The following EPGN variants were observed in gnomAD, a reference collection of about 807,000 sequenced individuals.
EPGN encodes the protein epigen.
Under a neutral mutation model 20.7 loss-of-function variants are expected in EPGN, and 21 were observed. The observed-to-expected ratio is 1.01, with a 90% CI of 0.72 to 1.46. EPGN has a LOEUF of 1.46. EPGN is among the 40% of genes most tolerant of loss of function. The pLI, the probability that EPGN is intolerant of heterozygous loss-of-function variation, is 0.00. For missense variants in EPGN, 199 were observed against 180.7 expected (o/e 1.10, Z -0.58); for synonymous variants, 69 against 63.8 (o/e 1.08, Z -0.39).
intron 4 of EPGN, 133 bp downstream of exon 4, chr4:74,313,303 G>T: frequency 7.1e-7 from 1 of 1,410,190 alleles, no homozygotes; most frequent in Non-Finnish European, 9.1e-7. Context: ...CTGGCAAAAA[G>T]TTTCTATGTA....
At chr4:74,312,340 G>A in intron 3 of EPGN, 35 bp downstream of exon 3, 1 of 1,591,968 alleles carries the variant, frequency 6.3e-7, no homozygotes, top group South Asian at 1.2e-5. Flanking sequence ...CCTAGAGACA[G>A]GAGATGAGTT....
chr4:74,312,953 A>T, intron 3 of EPGN, 65 bp from the exon 4 acceptor site: 1 of 1,277,242 alleles, frequency 7.8e-7, no homozygotes, highest in Non-Finnish European at 1.1e-6. Context: ...AAATTTATTG[A>T]AACAGGTTAT....
At chr4:74,313,744 G>A (rs1031417747) in intron 4 of EPGN, among the ~76,000 whole-genome samples, 1 of 152,056 alleles carries the variant, frequency 6.6e-6, no homozygotes, top group Non-Finnish European at 1.5e-5. Flanking sequence ...TTTTCCACAT[G>A]AGTAATTTTT....
Position 74,312,374 on chromosome 4 carries a change from T to C in EPGN, c.254+69T>C. The C allele has an allele frequency of 3.3e-6, 5 of 1,511,070 alleles. No homozygotes were observed. In the Admixed American group the frequency reaches 6.6e-5, roughly 20 times the overall value. The allele number at this position is 1,511,070 out of a possible 1,614,324, so 93.6% of individuals were successfully genotyped here. A position where few individuals can be genotyped will look rare whatever the true frequency, so the allele number is the denominator to read the frequency against. On this transcript the variant is annotated intron_variant, in intron 3 of 4. Coordinates refer to ENST00000413830, the MANE Select transcript of EPGN (RefSeq NM_001270989.2). ...TTTATGTCTCTGTTGTTTCATATAG[T>C]ACATTTCCACACTTTTCTCTCTTTA...
intron 1 of EPGN, among the ~76,000 whole-genome samples, 168 bp downstream of exon 1, chr4:74,308,744 T>C (rs953494445): frequency 1.3e-5 from 2 of 152,244 alleles, no homozygotes; most frequent in Non-Finnish European, 2.9e-5. Context: ...TGTATGTTCC[T>C]TTCCTAATAT....
At chr4:74,310,819 C>G (rs990794939) in intron 2 of EPGN, among the ~76,000 whole-genome samples, 1 of 152,070 alleles carries the variant, frequency 6.6e-6, no homozygotes, top group African/African-American at 2.4e-5. Flanking sequence ...TTAGTTATGC[C>G]TAAAACATTG....
chr4:74,309,283 T>A, intron 2 of EPGN, 101 bp downstream of exon 2: 1 of 783,264 alleles, frequency 1.3e-6, no homozygotes, highest in Non-Finnish European at 2.0e-6. Flanking sequence ...TAATATATAT[T>A]TTATTATTAG....
At position 74,309,113 on chromosome 4, in the gene EPGN, G is replaced by T; in HGVS notation, c.64G>T (p.Glu22Ter). ...TACAGCAATGACAGCACTGACCGAA[G>T]AGGCAGCCGTGACTGTAACACCTCC... Reference protein sequence around the residue: ...LFNAMTALTEEAAVTVTPPIT... With the variant: ...LFNAMTALTE The change falls in exon 2 of 5, where the codon GAG becomes TAG. Residue 22 changes from glutamate to a stop codon, truncating the protein, a stop_gained. Coordinates refer to ENST00000413830, the MANE Select transcript of EPGN (RefSeq NM_001270989.2). LOFTEE classifies it high-confidence loss of function. 1 of 1,613,392 alleles carries T rather than the reference G, an allele frequency of 6.2e-7. No individual in the cohort carries two copies. Among genetic ancestry groups the T allele is most frequent in the Non-Finnish European group, 8.5e-7 (1 of 1,179,504 alleles).
Position 74,315,037 on chromosome 4 carries a change from G to C in EPGN, c.*400G>C, listed in dbSNP as rs1263417046. 1.1e-5 allele frequency: 2 copies of C among 182,334 alleles called. No homozygotes were observed. Among genetic ancestry groups the C allele is most frequent in the Admixed American group, 1.2e-4 (2 of 16,818 alleles). The allele number at this position is 182,334 out of a possible 1,614,324, so 11.3% of individuals were successfully genotyped here. On this transcript the variant is annotated 3_prime_UTR_variant, in exon 5 of 5. Transcript: ENST00000413830. ...GGGTTCTTCATGTTCTTACTACCCA[G>C]CGTTTTTTACCACCTAGATGGGCCT... is the stretch of plus-strand genomic sequence containing the variant.
chr4:74,314,379 T>C, intron 4 of EPGN: 3 of 604,976 alleles, frequency 5.0e-6, no homozygotes, highest in East Asian at 2.8e-5. Flanking sequence ...GGGCACTCAG[T>C]TGGCTATGGG....
chr4:74,311,564 T>C (rs569465147), intron 2 of EPGN, among the ~76,000 whole-genome samples: 25 of 152,230 alleles, frequency 1.6e-4, no homozygotes, highest in African/African-American at 5.8e-4. Context: ...AAATGACAAG[T>C]AAAATCCCAT....
At chr4:74,312,874 C>T (rs775843107) in intron 3 of EPGN, 144 bp from the exon 4 acceptor site, 19 of 678,398 alleles carry the variant, frequency 2.8e-5, no homozygotes, top group Middle Eastern at 4.1e-4. Context: ...CTTCATTGCC[C>T]GTAACAGATT....
chr4:74,312,825 A>G (rs1245612304), intron 3 of EPGN, among the ~76,000 whole-genome samples, 193 bp from the exon 4 acceptor site: 1 of 152,170 alleles, frequency 6.6e-6, no homozygotes, highest in African/African-American at 2.4e-5. Context: ...ATGAAGGGAA[A>G]ATATGGGGCC....
Position 74,309,162 on chromosome 4 carries a change from G to T in EPGN, c.113G>T (p.Trp38Leu). 6.2e-7 allele frequency: 1 copy of T among 1,612,626 alleles called. No individual in the cohort carries two copies. Among genetic ancestry groups the T allele is most frequent in the Non-Finnish European group, 8.5e-7 (1 of 1,179,148 alleles). Reference sequence around the variant, plus strand: ...CCAATCACAGCCCAGCAAGGTAACTGGACAGTTAACAAAACAGAAGGTATT... The same window carrying T: ...CCAATCACAGCCCAGCAAGGTAACTTGACAGTTAACAAAACAGAAGGTATT... ...TPPITAQQGN[W>L]TVNKTEADNI... Residue 38 changes from tryptophan to leucine, a missense_variant, in exon 2 of 5, where the codon TGG (tryptophan) becomes TTG (leucine). By Grantham distance (61) the Trp-to-Leu change is moderately conservative. Transcript: ENST00000413830.
intron 3 of EPGN, 134 bp downstream of exon 3, chr4:74,312,439 C>T: frequency 1.0e-6 from 1 of 954,774 alleles, no homozygotes; most frequent in Non-Finnish European, 1.5e-6. Context: ...CTTGACAGGC[C>T]TCTACATATT....
chr4:74,314,218 T>A (rs994021012), intron 4 of EPGN: 3 of 482,272 alleles, frequency 6.2e-6, no homozygotes, highest in Admixed American at 4.6e-5. Context: ...AGCCCCAGCC[T>A]GATTCCACAG....
chr4:74,308,686 C>A, intron 1 of EPGN, 110 bp downstream of exon 1: 3 of 850,574 alleles, frequency 3.5e-6, no homozygotes, highest in Non-Finnish European at 3.7e-6. Context: ...TTCTTTATGA[C>A]AAAGATCAGA....
chr4:74,309,175 A>G lies in EPGN; in HGVS notation c.126A>G (p.Lys42=). ...TAQQGNWTVN[K]TEADNIEGPI... ...AGCAAGGTAACTGGACAGTTAACAA[A>G]ACAGAAGGTATTTTCTTCCCATTTT... The change falls in exon 2 of 5, where the codon AAA becomes AAG. Residue 42 remains lysine (K), a synonymous_variant. Transcript: ENST00000413830. 6.2e-7 allele frequency: 1 copy of G among 1,611,554 alleles called. No homozygotes were observed. The highest frequency in any genetic ancestry group is 8.5e-7 in the Non-Finnish European group (1 of 1,178,514).
chr4:74,312,140 AG>A, intron 2 of EPGN, 44 bp from the exon 3 acceptor site: 1 of 1,555,572 alleles, frequency 6.4e-7, no homozygotes, highest in Non-Finnish European at 8.6e-7. Context: ...TTACCATAAA[AG>A]TAAGACACAT....
Sources: allele counts gnomAD v4.1 joint callset (sites outside exome capture counted in the v4.1 genomes callset), GRCh38; gene constraint gnomAD v4.1.1; transcripts MANE v1.5; gene names NCBI Gene and HGNC (gene_info 2026-07-23, HGNC 2026-07-21).